Variants in DHX36 observed in about 807,000 individuals in gnomAD.
DHX36 encodes DEAH-box helicase 36, also known as ATP-dependent DNA/RNA helicase DHX36.
A neutral mutation model predicts 139.0 loss-of-function variants in DHX36; 50 were observed. The observed-to-expected ratio is 0.36, with a 90% CI of 0.29 to 0.46. The LOEUF is 0.46. Among genes scored for constraint, DHX36 ranks in the 20% least tolerant of loss-of-function variants. The probability of loss-of-function intolerance (pLI) is 1.00; values close to 1 mark genes in which losing one functional copy is unlikely to be tolerated. For synonymous variants in DHX36, 425 were observed against 401.9 expected, an observed-to-expected ratio of 1.06 and a Z score of -0.69; for missense variants, 1,024 against 1,211.3, an observed-to-expected ratio of 0.85 and a Z score of 2.29.
intron 15 of DHX36, 152 bp downstream of exon 15, chr3:154,292,399 G>C: frequency 1.8e-6 from 2 of 1,102,016 alleles, no homozygotes; most frequent in East Asian, 2.5e-5. Context: ...ACTACGATTA[G>C]AACAACTTTC....
In DHX36 at chr3:154,275,551, A is replaced by G. The variant is rs944802315; in HGVS notation, c.*620T>C. On this transcript the variant is annotated 3_prime_UTR_variant, in exon 25 of 25. Transcript: ENST00000496811. ...AATCAGGCTCCAGACCGTGCTCTCA[A>G]TTGCTGTATTATGAGGCACAGGGTG... 1 of 152,634 alleles carries G rather than the reference A, an allele frequency of 6.6e-6. No homozygotes were observed. Among genetic ancestry groups the G allele is most frequent in the Non-Finnish European group, 1.5e-5 (1 of 68,040 alleles). The allele number at this position is 152,634 out of a possible 1,614,324, so 9.5% of individuals were successfully genotyped here. A position where few individuals can be genotyped will look rare whatever the true frequency, so the allele number is the denominator to read the frequency against.
intron 17 of DHX36, 148 bp from the exon 18 acceptor site, chr3:154,285,135 C>G (rs1711509588): frequency 1.2e-6 from 1 of 819,402 alleles, no homozygotes; most frequent in South Asian, 1.9e-5. Flanking sequence ...TTTTCCCTAC[C>G]AAAACATAAG....
intron 12 of DHX36, among the ~76,000 whole-genome samples, chr3:154,297,547 C>T (rs1274237785): frequency 6.6e-6 from 1 of 151,990 alleles, no homozygotes; most frequent in Non-Finnish European, 1.5e-5. Flanking sequence ...CCTGTCTCTA[C>T]TAAAAATACA....
chr3:154,290,619 G>A (rs1049654594), intron 15 of DHX36, among the ~76,000 whole-genome samples: 7 of 117,618 alleles, frequency 6.0e-5, no homozygotes, highest in African/African-American at 1.8e-4. Flanking sequence ...TGGTGACACA[G>A]CGAGACTTCA....
At chr3:154,300,335 T>C (rs1325157298) in intron 11 of DHX36, among the ~76,000 whole-genome samples, 1 of 152,250 alleles carries the variant, frequency 6.6e-6, no homozygotes, top group Non-Finnish European at 1.5e-5. Flanking sequence ...CCCAGAGTGC[T>C]GGGATTACAG....
At position 154,296,672 on chromosome 3, in the gene DHX36, G is replaced by A. The variant is rs937333315; in HGVS notation, c.1550-1333C>T. Among the ~76,000 whole-genome samples the A allele has an allele frequency of 9.9e-5, 15 of 152,252 alleles. No homozygotes were observed. The East Asian group carries it at 2.9e-3, about 29-fold the overall frequency. On this transcript the variant is annotated intron_variant, in intron 12 of 24. Coordinates refer to ENST00000496811, the MANE Select transcript of DHX36 (RefSeq NM_020865.3). ...AAGGGAGAGTATCAAGAAAGCAAGA[G>A]TTAATTTCACATTTAACTATGCTTA... is the stretch of plus-strand genomic sequence containing the variant.
intron 13 of DHX36, 50 bp from the exon 14 acceptor site, chr3:154,293,862 C>T (rs1442440288): frequency 7.5e-7 from 1 of 1,333,956 alleles, no homozygotes; most frequent in East Asian, 2.3e-5. Context: ...ACTTCTAATA[C>T]ATTATATTTG....
At chr3:154,313,523 T>C (rs1394351417) in intron 3 of DHX36, among the ~76,000 whole-genome samples, 1 of 151,864 alleles carries the variant, frequency 6.6e-6, no homozygotes, top group Non-Finnish European at 1.5e-5. Context: ...CTACAAAAAA[T>C]ACAAAAATTA....
Position 154,304,946 on chromosome 3 carries a change from A to G in DHX36, c.995T>C (p.Val332Ala). The G allele has an allele frequency of 1.2e-6, 2 of 1,610,088 alleles. No homozygotes were observed. The highest frequency in any genetic ancestry group is 1.7e-6 in the Non-Finnish European group (2 of 1,178,820). The stretch of plus-strand genomic sequence containing the variant: ...ATTTCTTTCATGGATTTCATCAAGT[A>G]CGATATGACTAACACTGGACAAATA... ...DPYLSSVSHI[V>A]LDEIHERNLQ... Residue 332 changes from valine (V) to alanine (A), a missense_variant, in exon 8 of 25, where the codon GTA becomes GCA. Physicochemically the swap from Val to Ala is moderately conservative, Grantham distance 64. Transcript: ENST00000496811.
chr3:154,321,993 A>C (rs1371892780), intron 1 of DHX36, among the ~76,000 whole-genome samples: 1 of 152,132 alleles, frequency 6.6e-6, no homozygotes, highest in African/African-American at 2.4e-5. Flanking sequence ...AAAGCTACCG[A>C]AATTCTGACT....
chr3:154,279,125 G>C (rs1478710078), intron 22 of DHX36: 1 of 152,228 alleles, frequency 6.6e-6, no homozygotes, highest in Non-Finnish European at 1.5e-5. Context: ...TTACAGGTGT[G>C]AGCCACTGTG....
At chr3:154,279,259 C>T (rs1298575636) in intron 22 of DHX36, 1 of 152,114 alleles carries the variant, frequency 6.6e-6, no homozygotes, top group Non-Finnish European at 1.5e-5. Flanking sequence ...AACATGAAAA[C>T]AACATGTTTG....
chr3:154,312,377 G>T (rs1712793541), intron 3 of DHX36: 1 of 152,048 alleles, frequency 6.6e-6, no homozygotes, highest in African/African-American at 2.4e-5. Flanking sequence ...CTATATTTAT[G>T]TGACAATTTC....
At chr3:154,311,506 A>G (rs2108361463) in intron 4 of DHX36, 130 bp downstream of exon 4, 3 of 695,256 alleles carry the variant, frequency 4.3e-6, no homozygotes, top group Non-Finnish European at 6.7e-6. Flanking sequence ...TCAAAAGAAT[A>G]AAATTAACTT....
In DHX36 at chr3:154,301,013, T is replaced by C. The variant is rs1559953502; in HGVS notation, c.1332A>G (p.Pro444=). ...EKEAIYKERW[P]DYVRELRRRY... Reference sequence around the variant, plus strand: ...TTCTTCGCAGTTCCCTTACATAATCTGGCCAACGTTCTTTATATATTGCTT... The same window carrying C: ...TTCTTCGCAGTTCCCTTACATAATCCGGCCAACGTTCTTTATATATTGCTT... The change falls in exon 10 of 25, where the codon CCA becomes CCG. Residue 444 remains proline, a synonymous_variant. Coordinates refer to ENST00000496811, the MANE Select transcript of DHX36 (RefSeq NM_020865.3). 1.2e-6 allele frequency: 2 copies of C among 1,612,642 alleles called. No individual in the cohort carries two copies. Among genetic ancestry groups the C allele is most frequent in the Non-Finnish European group, 1.7e-6 (2 of 1,179,772 alleles).
At chr3:154,294,030 T>C (rs1167378026) in intron 13 of DHX36, among the ~76,000 whole-genome samples, 2 of 152,216 alleles carry the variant, frequency 1.3e-5, no homozygotes, top group Non-Finnish European at 2.9e-5. Context: ...CTCCCACAGA[T>C]GTCACAATCT....
intron 4 of DHX36, among the ~76,000 whole-genome samples, chr3:154,310,505 G>C (rs9820619): frequency 6.6e-6 from 1 of 151,128 alleles, no homozygotes; most frequent in East Asian, 1.9e-4. Context: ...CACTTAGGCC[G>C]GGCATGGTGG....
chr3:154,297,338 T>C (rs370770278), intron 12 of DHX36, among the ~76,000 whole-genome samples: 62 of 152,312 alleles, frequency 4.1e-4, no homozygotes, highest in African/African-American at 1.5e-3. Context: ...AGAAATGAAA[T>C]GTGACAGCTG....
chr3:154,321,397 C>T (rs573614725), intron 1 of DHX36, among the ~76,000 whole-genome samples: 1 of 152,184 alleles, frequency 6.6e-6, no homozygotes, highest in Non-Finnish European at 1.5e-5. Context: ...CACACACGTA[C>T]ATTCACTTTG....
Sources: allele counts gnomAD v4.1 joint callset (sites outside exome capture counted in the v4.1 genomes callset), GRCh38; gene constraint gnomAD v4.1.1; transcripts MANE v1.5; gene names NCBI Gene and HGNC (gene_info 2026-07-23, HGNC 2026-07-21).